ZNF286A: variants seen among roughly 807,000 people sequenced by gnomAD.
The protein encoded by ZNF286A is zinc finger protein 286A.
Under a neutral mutation model 49.3 loss-of-function variants are expected in ZNF286A, and 34 were observed. The observed-to-expected ratio is 0.69, with a 90% confidence interval of 0.52 to 0.92. The LOEUF (loss-of-function observed/expected upper bound fraction) is 0.92. Ranked by LOEUF, ZNF286A falls within the 40% of genes least tolerant of loss-of-function variation. The probability of loss-of-function intolerance (pLI) is 0.00; values close to 1 mark genes in which losing one functional copy is unlikely to be tolerated. For missense variants in ZNF286A, 462 were observed against 600.2 expected, an observed-to-expected ratio of 0.77 and a Z score of 2.41; for synonymous variants, 155 against 200.4, an observed-to-expected ratio of 0.77 and a Z score of 1.91.
chr17:15,713,032 C>T (rs549610616), intron 5 of ZNF286A, among the ~76,000 whole-genome samples: 5 of 152,284 alleles, frequency 3.3e-5, no homozygotes, highest in Admixed American at 6.5e-5. Context: ...ATGTAGGTTA[C>T]ATCTACCAAT....
chr17:15,703,181 C>T (rs892780416), intron 3 of ZNF286A, among the ~76,000 whole-genome samples: 1 of 152,140 alleles, frequency 6.6e-6, no homozygotes, highest in Non-Finnish European at 1.5e-5. Context: ...TCAGAGATGG[C>T]GTCAGTACTA....
chr17:15,704,828 C>T (rs1302787435), intron 3 of ZNF286A: 3 of 1,613,222 alleles, frequency 1.9e-6, no homozygotes, highest in Admixed American at 1.7e-5. Context: ...GGTGGGTCTG[C>T]GGTCAGTGTC....
At chr17:15,708,008 TA>T in intron 4 of ZNF286A, 146 bp from the exon 5 acceptor site, 1 of 470,462 alleles carries the variant, frequency 2.1e-6, no homozygotes, top group Non-Finnish European at 3.5e-6. Flanking sequence ...AAATAAAAAG[TA>T]AATTTTTATA....
Position 15,717,168 on chromosome 17 carries a change from A to G in ZNF286A, c.1444A>G (p.Ile482Val). Residue 482 changes from isoleucine to valine, a missense_variant, in exon 6 of 6, where the codon ATT (isoleucine) becomes GTT (valine). Physicochemically the swap from Ile to Val is conservative, Grantham distance 29. Transcript: ENST00000583566. Reference protein sequence around the residue: ...GKAFIHSSALIQHQRTHTGEK... With the variant: ...GKAFIHSSALVQHQRTHTGEK... ...AGCCTTCATTCATTCATCAGCTCTC[A>G]TTCAACATCAGAGAACTCATACCGG... is the stretch of plus-strand genomic sequence containing the variant. The G allele has an allele frequency of 6.2e-7, 1 of 1,609,496 alleles. No homozygotes were observed. Among genetic ancestry groups the G allele is most frequent in the Non-Finnish European group, 8.5e-7 (1 of 1,177,880 alleles).
At chr17:15,707,006 G>A (rs1408430013) in intron 4 of ZNF286A, among the ~76,000 whole-genome samples, 1 of 152,146 alleles carries the variant, frequency 6.6e-6, no homozygotes, top group East Asian at 1.9e-4. Flanking sequence ...TAGAGCCAGC[G>A]AGATTGAGTA....
At position 15,718,964 on chromosome 17, in the gene ZNF286A, CA is replaced by C. The variant is rs912443233; in HGVS notation, c.*1677del. ...AGGTGCTACACACTTTTTATGCAAC[CA>C]AATCTCATGAGAACTCTATCACGAG... On this transcript the variant is annotated 3_prime_UTR_variant, in exon 6 of 6. Coordinates refer to ENST00000583566, the MANE Select transcript of ZNF286A (RefSeq NM_001130842.2). 9.2e-5 allele frequency: 12 copies of C among 130,146 alleles called. No homozygotes were observed. The highest frequency in any genetic ancestry group is 1.6e-4 in the Non-Finnish European group (10 of 62,096). The allele number at this position is 130,146 out of a possible 1,614,324, so 8.1% of individuals were successfully genotyped here.
chr17:15,718,217 G>A lies in ZNF286A; in HGVS notation c.*927G>A, dbSNP rs1009040795. 1 of 152,046 alleles carries A rather than the reference G, an allele frequency of 6.6e-6. No homozygotes were observed. The highest frequency in any genetic ancestry group is 1.5e-5 in the Non-Finnish European group (1 of 68,090). 9.4% of individuals were successfully genotyped at this position (152,046 alleles called of 1,614,324 possible). ...CCCAAAGTGCTGGGATTACAGGCAT[G>A]AGCCACCATGCCTGGCATCATCATT... On this transcript the variant is annotated 3_prime_UTR_variant, in exon 6 of 6. Transcript: ENST00000583566.
chr17:15,711,860 G>T (rs9900262), intron 5 of ZNF286A, among the ~76,000 whole-genome samples: 1 of 103,410 alleles, frequency 9.7e-6, no homozygotes, highest in Admixed American at 1.2e-4. Context: ...TCTGTAATCT[G>T]CCCCCCCCCC....
Position 15,717,129 on chromosome 17 carries a change from A to G in ZNF286A, c.1405A>G (p.Ser469Gly). 1 of 1,613,962 alleles carries G rather than the reference A, an allele frequency of 6.2e-7. No homozygotes were observed. The highest frequency in any genetic ancestry group is 8.5e-7 in the Non-Finnish European group (1 of 1,179,960). Residue 469 changes from serine to glycine, a missense_variant, in exon 6 of 6, where the codon AGC becomes GGC. By Grantham distance (56) the Ser-to-Gly change is moderately conservative (BLOSUM62 0). Transcript: ENST00000583566. The stretch of plus-strand genomic sequence containing the variant: ...TATTGGAAAGAAACCGTACAAATGT[A>G]GCGAGTGTGGAAAAGCCTTCATTCA... ...IHIGKKPYKC[S>G]ECGKAFIHSS... is the part of the protein sequence containing the mutation.
intron 3 of ZNF286A, chr17:15,704,209 G>A (rs1232532365): frequency 1.9e-6 from 3 of 1,546,952 alleles, no homozygotes; most frequent in East Asian, 2.2e-5. Flanking sequence ...TTGGGGTCAC[G>A]GTGGAAGGAG....
At position 15,716,697 on chromosome 17, in the gene ZNF286A, C is replaced by G; in HGVS notation, c.973C>G (p.Pro325Ala). The change falls in exon 6 of 6, where the codon CCT becomes GCT. Residue 325 changes from proline (P) to alanine (A), a missense_variant. Transcript: ENST00000583566. ...THQRIHVGER[P>A]YECNECGKGF... The stretch of plus-strand genomic sequence containing the variant: ...TCAGAGAATTCACGTTGGAGAGAGA[C>G]CTTATGAATGCAATGAATGTGGGAA... 1.2e-6 allele frequency: 2 copies of G among 1,613,906 alleles called. No individual in the cohort carries two copies. The highest frequency in any genetic ancestry group is 8.5e-7 in the Non-Finnish European group (1 of 1,179,864).
Position 15,720,096 on chromosome 17 carries a change from T to C in ZNF286A, c.*2806T>C, listed in dbSNP as rs1967297167. ...TTCTGCCATCCCCACTAAGCAGTCA[T>C]GTGACCTTGGAAAAACTCCCTACTC... is the stretch of plus-strand genomic sequence containing the variant. On this transcript the variant is annotated 3_prime_UTR_variant, in exon 6 of 6. Transcript: ENST00000583566. The C allele has an allele frequency of 6.6e-6, 1 of 152,152 alleles. No individual in the cohort carries two copies. The highest frequency in any genetic ancestry group is 1.5e-5 in the Non-Finnish European group (1 of 68,032). The allele number at this position is 152,152 out of a possible 1,614,324, so 9.4% of individuals were successfully genotyped here. A position where few individuals can be genotyped will look rare whatever the true frequency, so the allele number is the denominator to read the frequency against.
chr17:15,717,274 C>T lies in ZNF286A; in HGVS notation c.1550C>T (p.Thr517Ile), dbSNP rs759980514. The T allele has an allele frequency of 6.3e-7, 1 of 1,587,946 alleles. No individual in the cohort carries two copies. The highest frequency in any genetic ancestry group is 8.6e-7 in the Non-Finnish European group (1 of 1,166,034). ...CTCATCAGACATCAAAGAGTTCACA[C>T]TGAAGAGCAACCCTGAAAAATTACT... ...SSLIRHQRVH[T>I]EEQP The change falls in exon 6 of 6, where the codon ACT (threonine) becomes ATT (isoleucine). Residue 517 changes from threonine (T) to isoleucine (I), a missense_variant. Coordinates refer to ENST00000583566, the MANE Select transcript of ZNF286A (RefSeq NM_001130842.2).
chr17:15,718,632 G>A lies in ZNF286A; in HGVS notation c.*1342G>A, dbSNP rs1280644456. The A allele has an allele frequency of 1.3e-5, 2 of 151,460 alleles. No homozygotes were observed. Among genetic ancestry groups the A allele is most frequent in the African/African-American group, 4.9e-5 (2 of 40,996 alleles). 9.4% of individuals were successfully genotyped at this position (151,460 alleles called of 1,614,324 possible). On this transcript the variant is annotated 3_prime_UTR_variant, in exon 6 of 6. Coordinates refer to ENST00000583566, the MANE Select transcript of ZNF286A (RefSeq NM_001130842.2). ...AACAAGGCACGGAAAATAGCTCACA[G>A]GATAGTCCTCAACTGACTTGCTTGA...
Position 15,717,556 on chromosome 17 carries a change from A to G in ZNF286A, c.*266A>G. 1 of 512,106 alleles carries G rather than the reference A, an allele frequency of 2.0e-6. No homozygotes were observed. Among genetic ancestry groups the G allele is most frequent in the Non-Finnish European group, 3.3e-6 (1 of 306,598 alleles). The allele number at this position is 512,106 out of a possible 1,614,324, so 31.7% of individuals were successfully genotyped here. ...TGTGGAAATTCAAGAAGTCCCTGAG[A>G]GTAGGTAGCAGTACGAACATTGTGA... On this transcript the variant is annotated 3_prime_UTR_variant, in exon 6 of 6. Coordinates refer to ENST00000583566, the MANE Select transcript of ZNF286A (RefSeq NM_001130842.2).
Position 15,716,184 on chromosome 17 carries a change from G to T in ZNF286A, c.460G>T (p.Ala154Ser), listed in dbSNP as rs1440941839. The T allele has an allele frequency of 6.2e-7, 1 of 1,613,764 alleles. No homozygotes were observed. The highest frequency in any genetic ancestry group is 8.5e-7 in the Non-Finnish European group (1 of 1,179,836). The change falls in exon 6 of 6, where the codon GCA becomes TCA. Residue 154 changes from alanine (A) to serine (S), a missense_variant. Physicochemically the swap from Ala to Ser is moderately conservative, Grantham distance 99. Transcript: ENST00000583566. ...RNSVYDSNLE[A>S]ALECENWLEN... The stretch of plus-strand genomic sequence containing the variant: ...TAGTGTCTATGACTCTAACTTGGAA[G>T]CAGCCCTTGAATGTGAAAATTGGTT...
intron 5 of ZNF286A, among the ~76,000 whole-genome samples, chr17:15,709,662 A>G (rs1038349639): frequency 6.6e-6 from 1 of 152,146 alleles, no homozygotes; most frequent in African/African-American, 2.4e-5. Flanking sequence ...TTATTGTTAC[A>G]CTTTTTCTTA....
chr17:15,716,675 G>T lies in ZNF286A; in HGVS notation c.951G>T (p.Gln317His). Residue 317 changes from glutamine to histidine, a missense_variant, in exon 6 of 6, where the codon CAG (glutamine) becomes CAT (histidine). Coordinates refer to ENST00000583566, the MANE Select transcript of ZNF286A (RefSeq NM_001130842.2). ...AAAGCTCATCCCTTGCAACACATCAGAGAATTCACGTTGGAGAGAGACCTT... is the reference window on the plus strand; with the variant it reads ...AAAGCTCATCCCTTGCAACACATCATAGAATTCACGTTGGAGAGAGACCTT... ...FTESSSLATH[Q>H]RIHVGERPYE... 1 of 1,614,040 alleles carries T rather than the reference G, an allele frequency of 6.2e-7. No homozygotes were observed. Among genetic ancestry groups the T allele is most frequent in the Non-Finnish European group, 8.5e-7 (1 of 1,179,944 alleles).
At chr17:15,710,917 ATT>A (rs57532299) in intron 5 of ZNF286A, among the ~76,000 whole-genome samples, 4 of 144,912 alleles carry the variant, frequency 2.8e-5, no homozygotes, top group Non-Finnish European at 3.0e-5. Flanking sequence ...TACAAGTTTA[ATT>A]TTTTTTTTTT....
Sources: gnomAD v4.1 joint callset for allele counts (sites outside exome capture counted in the v4.1 genomes callset) on GRCh38, gnomAD v4.1.1 for gene constraint, MANE v1.5 for transcripts, NCBI Gene and HGNC (gene_info 2026-07-23, HGNC 2026-07-21) for gene names.